ITK: variants seen among roughly 807,000 people sequenced by gnomAD.
ITK encodes tyrosine-protein kinase ITK/TSK.
In ITK, 45 loss-of-function variants were observed where a neutral mutation model predicts 87.6. That is an observed-to-expected ratio of 0.51 (90% CI 0.40 to 0.66). ITK has a LOEUF of 0.66. Ranked by LOEUF, ITK falls within the 30% of genes least tolerant of loss-of-function variation. The pLI, the probability that ITK is intolerant of heterozygous loss-of-function variation, is 0.00. For missense variants in ITK, 605 were observed against 766.3 expected (o/e 0.79, Z 2.48); for synonymous variants, 303 against 273.6 (o/e 1.11, Z -1.06).
chr5:157,221,722 GTT>G (rs951567708), intron 5 of ITK, among the ~76,000 whole-genome samples: 14 of 152,138 alleles, frequency 9.2e-5, no homozygotes, highest in African/African-American at 3.4e-4. Context: ...CCATAGCTCT[GTT>G]TCTTCTTCAA....
Position 157,241,693 on chromosome 5 carries a change from G to A in ITK, c.1033G>A (p.Ala345Thr), listed in dbSNP as rs1202690965. ...TCCAGTTTGTTTTGGGAGGCAGAAA[G>A]CCCCAGTTACAGCAGGGCTGAGATA... ...RYPVCFGRQK[A>T]PVTAGLRYGK... Residue 345 changes from alanine to threonine, a missense_variant, in exon 11 of 17, where the codon GCC (alanine) becomes ACC (threonine). Ala to Thr is a moderately conservative substitution (Grantham distance 58). This residue lies in a region of ITK where 464 missense variants were observed against 578.0 expected (regional missense o/e 0.80). Coordinates refer to ENST00000422843, the MANE Select transcript of ITK (RefSeq NM_005546.4). The A allele has an allele frequency of 2.5e-6, 4 of 1,613,774 alleles. No homozygotes were observed. The highest frequency in any genetic ancestry group is 3.3e-5 in the Admixed American group (2 of 59,996).
intron 4 of ITK, among the ~76,000 whole-genome samples, chr5:157,216,317 C>A (rs759760121): frequency 2.6e-5 from 4 of 152,066 alleles, no homozygotes; most frequent in Admixed American, 6.6e-5. Flanking sequence ...CTCTGAGCCT[C>A]TAAGAGCATT....
intron 1 of ITK, among the ~76,000 whole-genome samples, chr5:157,197,268 C>T (rs1753870655): frequency 6.6e-6 from 1 of 152,310 alleles, no homozygotes; most frequent in East Asian, 1.9e-4. Flanking sequence ...GTGGCAGGTG[C>T]TCTCTAGCTG....
intron 15 of ITK, among the ~76,000 whole-genome samples, chr5:157,248,013 G>A (rs187263271): frequency 1.5e-3 from 224 of 152,306 alleles, no homozygotes; most frequent in African/African-American, 5.2e-3. Flanking sequence ...AACTCCTGAG[G>A]CACCTCTGAG....
At chr5:157,200,830 C>G (rs1188601944) in intron 1 of ITK, among the ~76,000 whole-genome samples, 1 of 152,172 alleles carries the variant, frequency 6.6e-6, no homozygotes, top group Non-Finnish European at 1.5e-5. Flanking sequence ...ATCTTGGAGT[C>G]TCGCTGTCCA....
intron 7 of ITK, among the ~76,000 whole-genome samples, chr5:157,229,132 T>C (rs71591329): frequency 6.6e-6 from 1 of 151,088 alleles, no homozygotes; most frequent in African/African-American, 2.4e-5. Context: ...AAGGAAAGGG[T>C]TTTTTCTTAT....
At chr5:157,191,328 A>G (rs1414360043) in intron 1 of ITK, among the ~76,000 whole-genome samples, 1 of 152,110 alleles carries the variant, frequency 6.6e-6, no homozygotes, top group African/African-American at 2.4e-5. Context: ...TGCCTGGTGT[A>G]TAACCTGCGT....
chr5:157,238,983 G>A (rs1478174004), intron 9 of ITK, among the ~76,000 whole-genome samples: 5 of 152,172 alleles, frequency 3.3e-5, no homozygotes, highest in Non-Finnish European at 5.9e-5. Context: ...TGAGCAGGAC[G>A]TGGAGCAAGG....
rs1199876568 is a variant in ITK at position 157,244,335 on chromosome 5, G to C, written c.1306G>C (p.Glu436Gln). 6.2e-7 allele frequency: 1 copy of C among 1,614,042 alleles called. No individual in the cohort carries two copies. Among genetic ancestry groups the C allele is most frequent in the Non-Finnish European group, 8.5e-7 (1 of 1,180,028 alleles). ...LEQAPICLVFEFMEHGCLSDY... is the reference protein window; with the variant it reads ...LEQAPICLVFQFMEHGCLSDY... Reference sequence around the variant, plus strand: ...GCAGGCCCCCATCTGCCTGGTGTTTGAGTTCATGGAGCACGGCTGCCTGTC... The same window carrying C: ...GCAGGCCCCCATCTGCCTGGTGTTTCAGTTCATGGAGCACGGCTGCCTGTC... Residue 436 changes from glutamate to glutamine, a missense_variant, in exon 13 of 17, where the codon GAG (glutamate) becomes CAG (glutamine). Glu to Gln is a conservative substitution (Grantham distance 29, BLOSUM62 2). Coordinates refer to ENST00000422843, the MANE Select transcript of ITK (RefSeq NM_005546.4).
intron 16 of ITK, among the ~76,000 whole-genome samples, chr5:157,251,952 T>C (rs1001471269): frequency 8.5e-5 from 13 of 152,338 alleles, no homozygotes; most frequent in Admixed American, 1.3e-4. Context: ...TTCTTCATTA[T>C]TGTATTGGCT....
At chr5:157,210,835 G>C (rs79177076) in intron 2 of ITK, among the ~76,000 whole-genome samples, 209 of 151,130 alleles carry the variant, frequency 1.4e-3, no homozygotes, top group African/African-American at 4.7e-3. Flanking sequence ...GAGAAAAGTA[G>C]GTGAAAAGTA....
chr5:157,250,630 C>T (rs1348079244), intron 16 of ITK, among the ~76,000 whole-genome samples: 2 of 151,978 alleles, frequency 1.3e-5, no homozygotes, highest in African/African-American at 4.8e-5. Context: ...GATCCTCCTA[C>T]CTCAGCCTCC....
chr5:157,238,362 C>T (rs1754819578), intron 9 of ITK, among the ~76,000 whole-genome samples, 171 bp downstream of exon 9: 2 of 152,166 alleles, frequency 1.3e-5, no homozygotes, highest in Admixed American at 6.6e-5. Flanking sequence ...AAGGATAGAA[C>T]TTAAGAGACT....
chr5:157,240,341 T>C, intron 10 of ITK, 146 bp downstream of exon 10: 1 of 762,262 alleles, frequency 1.3e-6, no homozygotes, highest in South Asian at 1.5e-5. Context: ...GAACAGCACT[T>C]GTGGGATCTA....
At chr5:157,201,956 T>C (rs533358697) in intron 1 of ITK, among the ~76,000 whole-genome samples, 8 of 152,220 alleles carry the variant, frequency 5.3e-5, no homozygotes, top group Non-Finnish European at 1.2e-4. Context: ...ATAAGCATAG[T>C]ACCCAGTAGG....
At chr5:157,225,477 A>G (rs956781495) in intron 6 of ITK, among the ~76,000 whole-genome samples, 1 of 152,134 alleles carries the variant, frequency 6.6e-6, no homozygotes, top group Non-Finnish European at 1.5e-5. Context: ...AAAAAAAAAA[A>G]AGAGGGGCAC....
At chr5:157,221,674 G>A (rs1754417209) in intron 5 of ITK, among the ~76,000 whole-genome samples, 1 of 152,104 alleles carries the variant, frequency 6.6e-6, no homozygotes, top group South Asian at 2.1e-4. Flanking sequence ...TCTCTTCACA[G>A]CTATTAACCA....
chr5:157,221,243 G>C (rs190107193), intron 5 of ITK, among the ~76,000 whole-genome samples: 1 of 151,880 alleles, frequency 6.6e-6, no homozygotes, highest in African/African-American at 2.4e-5. Flanking sequence ...ACAAAATGTG[G>C]TATTGGGACT....
intron 10 of ITK, 132 bp downstream of exon 10, chr5:157,240,327 T>C (rs1234438496): frequency 1.3e-5 from 11 of 827,334 alleles, no homozygotes; most frequent in Admixed American, 7.6e-5. Flanking sequence ...GCAAGCCCTA[T>C]TGTGAACAGC....
Sources: gnomAD v4.1 joint callset for allele counts (sites outside exome capture counted in the v4.1 genomes callset) on GRCh38, gnomAD v4.1.1 for gene constraint, gnomAD v4.1.1 regional missense constraint, MANE v1.5 for transcripts, NCBI Gene and HGNC (gene_info 2026-07-23, HGNC 2026-07-21) for gene names.